Variants in PPP3CC observed in about 807,000 individuals in gnomAD.
PPP3CC encodes the protein protein phosphatase 3 catalytic subunit gamma, also known as serine/threonine-protein phosphatase 2B catalytic subunit gamma isoform.
A neutral mutation model predicts 60.3 loss-of-function variants in PPP3CC; 35 were observed. The ratio of observed to expected loss-of-function variants is 0.58; its 90% CI spans 0.44 to 0.77. PPP3CC has a LOEUF of 0.77. PPP3CC is among the 30% of genes least tolerant of loss of function. The pLI is 0.00. For missense variants in PPP3CC, 570 were observed against 628.9 expected, an observed-to-expected ratio of 0.91 and a Z score of 1.00; for synonymous variants, 206 against 224.3, an observed-to-expected ratio of 0.92 and a Z score of 0.73.
chr8:22,541,106 A>G lies in PPP3CC; in HGVS notation c.*304A>G. The G allele has an allele frequency of 5.5e-6, 1 of 181,664 alleles. No individual in the cohort carries two copies. Among genetic ancestry groups the G allele is most frequent in the Non-Finnish European group, 1.1e-5 (1 of 88,072 alleles). 11.3% of individuals were successfully genotyped at this position (181,664 alleles called of 1,614,324 possible). On this transcript the variant is annotated 3_prime_UTR_variant, in exon 14 of 14. Coordinates refer to ENST00000240139, the MANE Select transcript of PPP3CC (RefSeq NM_005605.5). ...ATAAAGGGGAACTTCCCCTAATAAAAGGGCCTTGGAAACCTCAAACCTGGG... is the reference window on the plus strand; with the variant it reads ...ATAAAGGGGAACTTCCCCTAATAAAGGGGCCTTGGAAACCTCAAACCTGGG...
chr8:22,444,318 G>GCC (rs1699813324), intron 1 of PPP3CC, among the ~76,000 whole-genome samples: 1 of 151,484 alleles, frequency 6.6e-6, no homozygotes, highest in Admixed American at 6.6e-5. Context: ...TCCCTGTCAA[G>GCC]CCTGGGTCAT....
chr8:22,442,889 G>C (rs968594145), intron 1 of PPP3CC, among the ~76,000 whole-genome samples: 1 of 152,084 alleles, frequency 6.6e-6, no homozygotes, highest in Non-Finnish European at 1.5e-5. Context: ...AAATGACTTC[G>C]CAATGCTATA....
Position 22,534,000 on chromosome 8 carries a change from A to G in PPP3CC, c.1321+982A>G, listed in dbSNP as rs182458968. ...GATCTCTTGAGGCCACGAGTTCAAG[A>G]ACAGCCTGGCCAATACAGCAAAACC... is the stretch of plus-strand genomic sequence containing the variant. On this transcript the variant is annotated intron_variant, in intron 12 of 13. Coordinates refer to ENST00000240139, the MANE Select transcript of PPP3CC (RefSeq NM_005605.5). Among the ~76,000 whole-genome samples the G allele has an allele frequency of 1.2e-4, 18 of 151,020 alleles. No individual in the cohort carries two copies. In the East Asian group the frequency reaches 3.4e-3, roughly 28 times the overall value.
chr8:22,483,877 G>C (rs1044741532), intron 3 of PPP3CC, among the ~76,000 whole-genome samples: 4 of 152,032 alleles, frequency 2.6e-5, no homozygotes, highest in Non-Finnish European at 5.9e-5. Context: ...GTCTTGCTCT[G>C]TCACCCAGAC....
chr8:22,478,594 A>G lies in PPP3CC; in HGVS notation c.372+2970A>G, dbSNP rs540786417. On this transcript the variant is annotated intron_variant, in intron 3 of 13. Coordinates refer to ENST00000240139, the MANE Select transcript of PPP3CC (RefSeq NM_005605.5). ...ATATCAACAATGATTTTGTGCACAG[A>G]CATCATGTTCAGAATATTTTGTGTT... Among the ~76,000 whole-genome samples the G allele has an allele frequency of 5.9e-5, 9 of 152,320 alleles. No homozygotes were observed. The South Asian group carries it at 1.7e-3, about 28-fold the overall frequency.
intron 6 of PPP3CC, among the ~76,000 whole-genome samples, chr8:22,513,800 G>C (rs1032022745): frequency 6.6e-6 from 1 of 152,142 alleles, no homozygotes; most frequent in Non-Finnish European, 1.5e-5. Flanking sequence ...GAATCCTATT[G>C]TATTTTCAAA....
chr8:22,464,654 T>G (rs977863561), intron 1 of PPP3CC, among the ~76,000 whole-genome samples: 9 of 152,018 alleles, frequency 5.9e-5, no homozygotes, highest in African/African-American at 2.2e-4. Flanking sequence ...AGTGATGAGA[T>G]TCTTTTTATA....
At chr8:22,532,789 G>C in intron 11 of PPP3CC, 132 bp from the exon 12 acceptor site, 1 of 552,220 alleles carries the variant, frequency 1.8e-6, no homozygotes, top group Admixed American at 3.9e-5. Flanking sequence ...CTTTCTTTGA[G>C]TCAGGGAAGG....
chr8:22,495,773 G>T lies in PPP3CC; in HGVS notation c.373-2228G>T, dbSNP rs368962519. ...GAGGTTTTACCATGTTGGCCAGGCTGGTCTCAAGCTCCTGACTTCAGGTGA... is the reference window on the plus strand; with the variant it reads ...GAGGTTTTACCATGTTGGCCAGGCTTGTCTCAAGCTCCTGACTTCAGGTGA... On this transcript the variant is annotated intron_variant, in intron 3 of 13. Coordinates refer to ENST00000240139, the MANE Select transcript of PPP3CC (RefSeq NM_005605.5). Among the ~76,000 whole-genome samples the T allele has an allele frequency of 1.4e-3, 213 of 152,218 alleles. 1 individual carries two copies. Among genetic ancestry groups the T allele is most frequent in the African/African-American group, 4.8e-3 (201 of 41,540 alleles).
At chr8:22,514,386 G>A (rs1157766428) in intron 6 of PPP3CC, among the ~76,000 whole-genome samples, 1 of 151,574 alleles carries the variant, frequency 6.6e-6, no homozygotes, top group Non-Finnish European at 1.5e-5. Flanking sequence ...CTAAGATAAT[G>A]TGTTCATTAG....
chr8:22,489,942 C>G (rs942093597), intron 3 of PPP3CC, among the ~76,000 whole-genome samples: 10 of 151,120 alleles, frequency 6.6e-5, no homozygotes, highest in Non-Finnish European at 1.3e-4. Context: ...CTGCCTCAGC[C>G]TCTCCAGTAA....
At chr8:22,481,657 T>A (rs1205333286) in intron 3 of PPP3CC, among the ~76,000 whole-genome samples, 2 of 152,012 alleles carry the variant, frequency 1.3e-5, no homozygotes, top group Non-Finnish European at 2.9e-5. Context: ...ACCTGTCATC[T>A]ACATTAGGTA....
At chr8:22,475,876 C>T (rs1213091402) in intron 3 of PPP3CC, among the ~76,000 whole-genome samples, 18 of 152,120 alleles carry the variant, frequency 1.2e-4, no homozygotes, top group Non-Finnish European at 2.6e-4. Flanking sequence ...TGTTCACCAA[C>T]TTTTCCTCTT....
intron 12 of PPP3CC, among the ~76,000 whole-genome samples, chr8:22,534,926 A>AT (rs1839811765): frequency 6.6e-6 from 1 of 152,230 alleles, no homozygotes; most frequent in African/African-American, 2.4e-5. Flanking sequence ...AATCAGTGAT[A>AT]ATAAAGTCAG....
intron 1 of PPP3CC, among the ~76,000 whole-genome samples, chr8:22,470,059 TACACACACACAC>T (rs55658283): frequency 1.8e-4 from 27 of 146,074 alleles, no homozygotes; most frequent in East Asian, 1.8e-3. Flanking sequence ...TATATATATA[TACACACACACAC>T]ACACACACAC....
At chr8:22,484,825 G>A (rs1838175432) in intron 3 of PPP3CC, among the ~76,000 whole-genome samples, 1 of 152,158 alleles carries the variant, frequency 6.6e-6, no homozygotes, top group African/African-American at 2.4e-5. Flanking sequence ...TTACTTAAAT[G>A]GTCAGTATGC....
At chr8:22,485,891 T>G (rs1331683827) in intron 3 of PPP3CC, among the ~76,000 whole-genome samples, 1 of 152,174 alleles carries the variant, frequency 6.6e-6, no homozygotes, top group Non-Finnish European at 1.5e-5. Context: ...CAGTTTTGAT[T>G]GGTGAGTGAT....
intron 5 of PPP3CC, 115 bp downstream of exon 5, chr8:22,511,346 G>A: frequency 1.7e-6 from 2 of 1,170,070 alleles, no homozygotes; most frequent in Non-Finnish European, 2.4e-6. Flanking sequence ...CTGAAGTACA[G>A]TGGTGCTATC....
intron 3 of PPP3CC, among the ~76,000 whole-genome samples, chr8:22,484,127 A>G (rs1007137423): frequency 3.3e-5 from 5 of 152,110 alleles, no homozygotes; most frequent in Non-Finnish European, 5.9e-5. Context: ...GATTACAGGC[A>G]TGTGCTACCA....
Sources: gnomAD v4.1 joint callset for allele counts (sites outside exome capture counted in the v4.1 genomes callset) on GRCh38, gnomAD v4.1.1 for gene constraint, MANE v1.5 for transcripts, NCBI Gene and HGNC (gene_info 2026-07-23, HGNC 2026-07-21) for gene names.